Variants in PPP3CA observed in about 807,000 individuals in gnomAD.
The protein encoded by PPP3CA is CAM-PRP catalytic subunit.
A neutral mutation model predicts 66.5 loss-of-function variants in PPP3CA; 14 were observed. That is an observed-to-expected ratio of 0.21 (90% CI 0.14 to 0.33). PPP3CA has a LOEUF of 0.33. PPP3CA is among the 10% of genes least tolerant of loss of function. The pLI is 1.00. For synonymous variants in PPP3CA, 232 were observed against 226.2 expected (o/e 1.03, Z -0.23); for missense variants, 317 against 639.5 (o/e 0.50, Z 5.44).
intron 2 of PPP3CA, among the ~76,000 whole-genome samples, chr4:101,166,353 C>T (rs1723693970): frequency 6.6e-6 from 1 of 152,048 alleles, no homozygotes; most frequent in South Asian, 2.1e-4. Flanking sequence ...TGCAACGCAC[C>T]GTTCCTCCAA....
In PPP3CA at chr4:101,075,369, T is replaced by C. The variant is rs563191578; in HGVS notation, c.955+5163A>G. Among the ~76,000 whole-genome samples the C allele has an allele frequency of 1.2e-4, 19 of 152,358 alleles. No individual in the cohort carries two copies. In the East Asian group the frequency reaches 3.7e-3, roughly 29 times the overall value. ...TTAGACTTTCCTCTCAAATCCAAAA[T>C]AATTTTCATTTAACAAATTTCCTTA... On this transcript the variant is annotated intron_variant, in intron 8 of 13. Coordinates refer to ENST00000394854, the MANE Select transcript of PPP3CA (RefSeq NM_000944.5).
chr4:101,244,562 C>T lies in PPP3CA; in HGVS notation c.59-48446G>A, dbSNP rs891507056. 2.7e-4 allele frequency among the ~76,000 whole-genome samples: 41 copies of T among 152,140 alleles called. 1 individual carries two copies. Among genetic ancestry groups the T allele is most frequent in the Admixed American group, 6.6e-5 (1 of 15,260 alleles). On this transcript the variant is annotated intron_variant, in intron 1 of 13. Transcript: ENST00000394854. ...TGCTAATGAGGACTGACTAACAGCA[C>T]AATTAAGAGTACGCTATACGCCCTC...
At chr4:101,291,162 G>A (rs551230741) in intron 1 of PPP3CA, among the ~76,000 whole-genome samples, 7 of 152,186 alleles carry the variant, frequency 4.6e-5, no homozygotes, top group South Asian at 2.1e-4. Context: ...GTTACTTAGC[G>A]TAATTAGAAC....
At position 101,324,139 on chromosome 4, in the gene PPP3CA, GGGAA is replaced by G. The variant is rs1381299052; in HGVS notation, c.58+22596_58+22599del. ...AAAGAAAAGAAAGGAAGGGAAGGAA[GGGAA>G]GGAAGGGAGGGAGGAAGGAAGGAAG... On this transcript the variant is annotated intron_variant, in intron 1 of 13. Coordinates refer to ENST00000394854, the MANE Select transcript of PPP3CA (RefSeq NM_000944.5). 1.5e-4 allele frequency among the ~76,000 whole-genome samples: 18 copies of G among 122,840 alleles called. No individual in the cohort carries two copies. In the East Asian group the frequency reaches 2.1e-3, roughly 14 times the overall value. 80.6% of individuals were successfully genotyped at this position (122,840 alleles called of 152,430 possible). A position where few individuals can be genotyped will look rare whatever the true frequency, so the allele number is the denominator to read the frequency against.
At chr4:101,206,805 A>G (rs1398624274) in intron 1 of PPP3CA, among the ~76,000 whole-genome samples, 1 of 152,242 alleles carries the variant, frequency 6.6e-6, no homozygotes, top group Non-Finnish European at 1.5e-5. Flanking sequence ...AAGACAGAAT[A>G]GAAAATAAAA....
chr4:101,066,833 C>T (rs1467384605), intron 8 of PPP3CA, among the ~76,000 whole-genome samples: 2 of 152,114 alleles, frequency 1.3e-5, no homozygotes, highest in East Asian at 1.9e-4. Flanking sequence ...CCTAACAGTG[C>T]GCTCTTCTCT....
chr4:101,287,267 C>T (rs1727873475), intron 1 of PPP3CA, among the ~76,000 whole-genome samples: 1 of 152,092 alleles, frequency 6.6e-6, no homozygotes, highest in South Asian at 2.1e-4. Flanking sequence ...GAATTAGCCA[C>T]CATCTTACAT....
intron 2 of PPP3CA, among the ~76,000 whole-genome samples, chr4:101,156,595 G>A (rs1232343253): frequency 2.6e-5 from 4 of 152,038 alleles, no homozygotes; most frequent in East Asian, 1.9e-4. Flanking sequence ...CAGGAGAATC[G>A]CTTGAACCCA....
chr4:101,101,380 A>G (rs1730434338), intron 3 of PPP3CA, among the ~76,000 whole-genome samples: 1 of 152,196 alleles, frequency 6.6e-6, no homozygotes, highest in Non-Finnish European at 1.5e-5. Context: ...GAAGATATTC[A>G]TAAACTATTA....
intron 1 of PPP3CA, among the ~76,000 whole-genome samples, chr4:101,281,096 C>G (rs1727669135): frequency 6.6e-6 from 1 of 152,116 alleles, no homozygotes; most frequent in African/African-American, 2.4e-5. Flanking sequence ...AAATGCTATG[C>G]TAAGTCAAAT....
intron 1 of PPP3CA, among the ~76,000 whole-genome samples, chr4:101,239,190 T>G (rs1726222324): frequency 6.6e-6 from 1 of 152,060 alleles, no homozygotes; most frequent in South Asian, 2.1e-4. Context: ...AAATGCAAAT[T>G]TAAACATCTC....
At chr4:101,182,077 TA>T (rs1464565845) in intron 2 of PPP3CA, among the ~76,000 whole-genome samples, 2 of 152,128 alleles carry the variant, frequency 1.3e-5, no homozygotes, top group African/African-American at 2.4e-5. Flanking sequence ...AATTTTTCTT[TA>T]AAAAAATAAT....
At chr4:101,167,546 G>C (rs1723732223) in intron 2 of PPP3CA, among the ~76,000 whole-genome samples, 1 of 152,176 alleles carries the variant, frequency 6.6e-6, no homozygotes, top group Non-Finnish European at 1.5e-5. Context: ...ACACTCTAAA[G>C]AGGCAGAAAG....
At chr4:101,243,732 G>A (rs777648204) in intron 1 of PPP3CA, among the ~76,000 whole-genome samples, 7 of 152,070 alleles carry the variant, frequency 4.6e-5, no homozygotes, top group East Asian at 1.9e-4. Context: ...CATGGTTGCC[G>A]AGGGAGGACT....
At chr4:101,045,639 G>C (rs1031886463) in intron 10 of PPP3CA, among the ~76,000 whole-genome samples, 1 of 152,224 alleles carries the variant, frequency 6.6e-6, no homozygotes, top group East Asian at 1.9e-4. Context: ...TGATGTGAAT[G>C]AAGTTTGAGT....
intron 2 of PPP3CA, among the ~76,000 whole-genome samples, chr4:101,149,660 A>G (rs1252731914): frequency 2.0e-5 from 3 of 152,166 alleles, no homozygotes; most frequent in Admixed American, 2.0e-4. Flanking sequence ...GTGCAAACTC[A>G]AGCCTAATAT....
intron 1 of PPP3CA, among the ~76,000 whole-genome samples, chr4:101,277,315 T>C (rs796606072): frequency 6.6e-6 from 1 of 152,214 alleles, no homozygotes; most frequent in Non-Finnish European, 1.5e-5. Context: ...TTGAAAGACA[T>C]CTCGGCTATT....
At chr4:101,155,888 T>C (rs887504891) in intron 2 of PPP3CA, among the ~76,000 whole-genome samples, 19 of 152,312 alleles carry the variant, frequency 1.2e-4, no homozygotes, top group Admixed American at 3.9e-4. Flanking sequence ...TACAATAATA[T>C]GAATACGAAT....
intron 10 of PPP3CA, among the ~76,000 whole-genome samples, chr4:101,051,733 A>C (rs978869583): frequency 1.3e-5 from 2 of 152,270 alleles, no homozygotes; most frequent in Admixed American, 6.5e-5. Flanking sequence ...CTTATGCAAC[A>C]TGGTTTGCTT....
Sources: allele counts gnomAD v4.1 joint callset (sites outside exome capture counted in the v4.1 genomes callset), GRCh38; gene constraint gnomAD v4.1.1; transcripts MANE v1.5; gene names NCBI Gene and HGNC (gene_info 2026-07-23, HGNC 2026-07-21).